EDIL3: variants seen among roughly 807,000 people sequenced by gnomAD.
The protein encoded by EDIL3 is EGF like and discoidin domains 3.
A neutral mutation model predicts 67.4 loss-of-function variants in EDIL3; 37 were observed. The ratio of observed to expected loss-of-function variants is 0.55; its 90% CI spans 0.42 to 0.72. The LOEUF (loss-of-function observed/expected upper bound fraction) is 0.72, where lower values mean the gene tolerates loss of function less well. EDIL3 is among the 30% of genes least tolerant of loss of function. The pLI is 0.00. For synonymous variants in EDIL3, 195 were observed against 196.3 expected (o/e 0.99, Z 0.05); for missense variants, 527 against 586.3 (o/e 0.90, Z 1.04).
At chr5:84,332,611 C>G (rs1260114974) in intron 1 of EDIL3, among the ~76,000 whole-genome samples, 3 of 152,020 alleles carry the variant, frequency 2.0e-5, no homozygotes, top group Admixed American at 1.3e-4. Flanking sequence ...TAGGGTCTTG[C>G]AAAAGGAGGG....
At chr5:84,088,329 A>C (rs928016802) in intron 6 of EDIL3, among the ~76,000 whole-genome samples, 2 of 152,210 alleles carry the variant, frequency 1.3e-5, no homozygotes, top group Admixed American at 1.3e-4. Flanking sequence ...TGCTCTTAAA[A>C]AAAAGAAGCT....
At chr5:84,362,054 T>C (rs377700385) in intron 1 of EDIL3, among the ~76,000 whole-genome samples, 70 of 152,186 alleles carry the variant, frequency 4.6e-4, no homozygotes, top group African/African-American at 1.5e-3. Flanking sequence ...AGAATACATA[T>C]AAGCCAACTT....
At chr5:84,312,339 C>T (rs1182941545) in intron 1 of EDIL3, among the ~76,000 whole-genome samples, 17 of 141,188 alleles carry the variant, frequency 1.2e-4, no homozygotes, top group East Asian at 6.7e-4. Flanking sequence ...GGGGGCTGAC[C>T]CCCCCACCTC....
At chr5:84,215,302 G>A (rs1036014832) in intron 3 of EDIL3, among the ~76,000 whole-genome samples, 2 of 151,842 alleles carry the variant, frequency 1.3e-5, no homozygotes, top group African/African-American at 2.4e-5. Flanking sequence ...CGCCCAGGCT[G>A]GAGTGCAGTG....
intron 5 of EDIL3, among the ~76,000 whole-genome samples, chr5:84,108,356 C>A (rs920680298): frequency 6.6e-6 from 1 of 151,920 alleles, no homozygotes; most frequent in African/African-American, 2.4e-5. Context: ...AACATTAATA[C>A]AGTAAAAATT....
At chr5:84,188,293 T>C (rs1340534435) in intron 3 of EDIL3, among the ~76,000 whole-genome samples, 1 of 152,006 alleles carries the variant, frequency 6.6e-6, no homozygotes, top group African/African-American at 2.4e-5. Context: ...TTCTAGAAGC[T>C]AGAAGTCTGA....
At chr5:84,218,581 AG>A (rs1744278470) in intron 3 of EDIL3, among the ~76,000 whole-genome samples, 1 of 152,212 alleles carries the variant, frequency 6.6e-6, no homozygotes, top group South Asian at 2.1e-4. Context: ...GCTCAGCCAC[AG>A]TTGGGTAGAG....
intron 9 of EDIL3, among the ~76,000 whole-genome samples, chr5:84,013,883 A>G (rs375366212): frequency 6.6e-6 from 1 of 152,196 alleles, no homozygotes; most frequent in South Asian, 2.1e-4. Context: ...TTGGTTGAAA[A>G]GTTGGTCATC....
At chr5:84,340,534 C>CTCTCTCTCTCTCTCTCTCTA (rs1432966515) in intron 1 of EDIL3, among the ~76,000 whole-genome samples, 2 of 54,198 alleles carry the variant, frequency 3.7e-5, no homozygotes, top group East Asian at 1.4e-3. Flanking sequence ...CTCTCTCTCT[C>CTCTCTCTCTCTCTCTCTCTA]TATATATATA....
chr5:84,023,026 C>A (rs1429028532), intron 9 of EDIL3, among the ~76,000 whole-genome samples: 1 of 151,746 alleles, frequency 6.6e-6, no homozygotes, highest in Non-Finnish European at 1.5e-5. Context: ...ATGTAAAATA[C>A]TATGTATCAA....
intron 4 of EDIL3, among the ~76,000 whole-genome samples, chr5:84,178,669 AG>A (rs1748962612): frequency 6.6e-6 from 1 of 152,226 alleles, no homozygotes; most frequent in South Asian, 2.1e-4. Context: ...TGACTGACTC[AG>A]GGTCACTTAT....
intron 1 of EDIL3, 25 bp downstream of exon 1, chr5:84,384,283 A>T: frequency 6.2e-7 from 1 of 1,602,820 alleles, no homozygotes; most frequent in Non-Finnish European, 8.5e-7. Flanking sequence ...TCCCTCACCC[A>T]GCTGTCCGGG....
Position 84,066,447 on chromosome 5 carries a change from T to C in EDIL3, c.807+4A>G. On this transcript the variant is annotated splice_donor_region_variant and intron_variant, in intron 7 of 10. Coordinates refer to ENST00000296591, the MANE Select transcript of EDIL3 (RefSeq NM_005711.5). ...TTAAATTAAGTAGGTTAAATTATTCTTACCATGTCTTCATTGGTGCCTTTC... is the reference window on the plus strand; with the variant it reads ...TTAAATTAAGTAGGTTAAATTATTCCTACCATGTCTTCATTGGTGCCTTTC... The C allele has an allele frequency of 3.8e-6, 6 of 1,588,812 alleles. No homozygotes were observed. In the South Asian group the frequency reaches 7.1e-5, roughly 19 times the overall value.
chr5:84,273,976 T>A, intron 1 of EDIL3, among the ~76,000 whole-genome samples: 1 of 152,008 alleles, frequency 6.6e-6, no homozygotes, highest in East Asian at 1.9e-4. Flanking sequence ...CTGTCAAGAT[T>A]TTGACCACAG....
intron 1 of EDIL3, among the ~76,000 whole-genome samples, chr5:84,353,711 G>A (rs1747411904): frequency 6.6e-6 from 1 of 152,128 alleles, no homozygotes; most frequent in African/African-American, 2.4e-5. Context: ...GAGTCTGACA[G>A]CACATACCTA....
intron 6 of EDIL3, among the ~76,000 whole-genome samples, chr5:84,081,562 C>A (rs1162941548): frequency 6.6e-6 from 1 of 151,788 alleles, no homozygotes; most frequent in Non-Finnish European, 1.5e-5. Flanking sequence ...AAAAAAAAGT[C>A]TTTAATGCAC....
intron 1 of EDIL3, among the ~76,000 whole-genome samples, chr5:84,266,913 C>T (rs1322658920): frequency 2.0e-5 from 3 of 152,088 alleles, no homozygotes; most frequent in Admixed American, 2.0e-4. Flanking sequence ...TCACTATGTA[C>T]CAAAAATTAT....
intron 9 of EDIL3, among the ~76,000 whole-genome samples, chr5:83,978,030 A>G (rs1292775095): frequency 1.3e-5 from 2 of 151,912 alleles, no homozygotes; most frequent in Non-Finnish European, 2.9e-5. Flanking sequence ...ATAAAACAAT[A>G]ACAAGAGAAA....
chr5:84,008,595 A>G (rs1284304269), intron 9 of EDIL3, among the ~76,000 whole-genome samples: 1 of 152,214 alleles, frequency 6.6e-6, no homozygotes, highest in East Asian at 1.9e-4. Context: ...CCAGAGGGTT[A>G]GGAGAAAAAT....
Sources: allele counts gnomAD v4.1 joint callset (sites outside exome capture counted in the v4.1 genomes callset), GRCh38; gene constraint gnomAD v4.1.1; transcripts MANE v1.5; gene names NCBI Gene and HGNC (gene_info 2026-07-23, HGNC 2026-07-21).